The following HIVEP1 variants were observed in gnomAD, a reference collection of about 807,000 sequenced individuals.
HIVEP1 encodes the protein zinc finger protein 40.
A neutral mutation model predicts 180.0 loss-of-function variants in HIVEP1; 36 were observed. The observed-to-expected ratio is 0.20, with a 90% CI of 0.15 to 0.26. The LOEUF is 0.26. Among genes scored for constraint, HIVEP1 ranks in the 10% least tolerant of loss-of-function variants. The probability of loss-of-function intolerance (pLI) is 1.00; values close to 1 mark genes in which losing one functional copy is unlikely to be tolerated. For missense variants in HIVEP1, 3,143 were observed against 3,268.7 expected, an observed-to-expected ratio of 0.96 and a Z score of 0.94; for synonymous variants, 1,239 against 1,239.0, an observed-to-expected ratio of 1.00 and a Z score of 0.00.
intron 7 of HIVEP1, among the ~76,000 whole-genome samples, chr6:12,159,203 T>TGC (rs1455802838): frequency 2.0e-5 from 3 of 151,952 alleles, no homozygotes; most frequent in East Asian, 1.9e-4. Context: ...TGTGTGTGTG[T>TGC]GTGTGCGCGC....
At chr6:12,016,616 T>C (rs1436733293) in intron 2 of HIVEP1, among the ~76,000 whole-genome samples, 1 of 152,200 alleles carries the variant, frequency 6.6e-6, no homozygotes, top group Non-Finnish European at 1.5e-5. Context: ...AATCTGGAAA[T>C]AGTGCTTGTT....
intron 8 of HIVEP1, 103 bp from the exon 9 acceptor site, chr6:12,163,180 C>T (rs759014447): frequency 5.9e-5 from 52 of 885,244 alleles, no homozygotes; most frequent in Non-Finnish European, 8.3e-5. Flanking sequence ...TGCAAATATA[C>T]TTACTTTTAT....
intron 1 of HIVEP1, among the ~76,000 whole-genome samples, chr6:12,014,940 G>C (rs771534433): frequency 3.3e-5 from 5 of 152,254 alleles, no homozygotes; most frequent in Admixed American, 6.5e-5. Flanking sequence ...CCATGGCAGA[G>C]AGAGAAGAGC....
At chr6:12,033,760 A>G (rs1289784759) in intron 2 of HIVEP1, among the ~76,000 whole-genome samples, 1 of 152,234 alleles carries the variant, frequency 6.6e-6, no homozygotes, top group Non-Finnish European at 1.5e-5. Flanking sequence ...AAAAAATATT[A>G]AGTTTTTAAA....
At chr6:12,027,343 TG>T (rs1330346819) in intron 2 of HIVEP1, among the ~76,000 whole-genome samples, 24 of 152,348 alleles carry the variant, frequency 1.6e-4, no homozygotes, top group African/African-American at 5.8e-4. Context: ...AATTCACATT[TG>T]GTTGGGAAGA....
chr6:12,042,365 G>A (rs2113684456), intron 2 of HIVEP1, among the ~76,000 whole-genome samples: 1 of 140,124 alleles, frequency 7.1e-6, no homozygotes, highest in South Asian at 2.3e-4. Context: ...ACAGGCGTGA[G>A]CCACCGCACC....
chr6:12,090,735 C>CTTTTTTTT (rs35266647), intron 3 of HIVEP1, among the ~76,000 whole-genome samples: 41 of 82,434 alleles, frequency 5.0e-4, no homozygotes, highest in African/African-American at 1.6e-3. Context: ...TATAGCCAGC[C>CTTTTTTTT]TTTTTTTTTT....
rs1363148353 is a variant in HIVEP1 at position 12,122,774 on chromosome 6, C to T, written c.2979C>T (p.Ala993=). Residue 993 remains alanine, a synonymous_variant, in exon 4 of 9, where the codon GCC becomes GCT. Transcript: ENST00000379388. The part of the protein sequence containing the change: ...SELHGPKTKV[A]MREPEHSPVP... ...TACATGGACCAAAAACAAAGGTAGC[C>T]ATGAGAGAACCTGAGCACAGCCCTG... 1 of 1,612,186 alleles carries T rather than the reference C, an allele frequency of 6.2e-7. No homozygotes were observed. Among genetic ancestry groups the T allele is most frequent in the Non-Finnish European group, 8.5e-7 (1 of 1,179,534 alleles).
chr6:12,134,392 G>A (rs139627678), intron 6 of HIVEP1, among the ~76,000 whole-genome samples: 5 of 152,274 alleles, frequency 3.3e-5, no homozygotes, highest in Admixed American at 6.5e-5. Context: ...GGGGTCCTGC[G>A]TGGTTGGCTG....
At chr6:12,054,883 A>G (rs978973837) in intron 2 of HIVEP1, among the ~76,000 whole-genome samples, 1 of 152,236 alleles carries the variant, frequency 6.6e-6, no homozygotes, top group Non-Finnish European at 1.5e-5. Flanking sequence ...TAAGGAAAAA[A>G]TTATCTACAT....
intron 6 of HIVEP1, among the ~76,000 whole-genome samples, chr6:12,132,733 G>C (rs1758493665): frequency 6.6e-6 from 1 of 152,126 alleles, no homozygotes; most frequent in African/African-American, 2.4e-5. Context: ...TTTGTAAGAT[G>C]TCATGTGGAA....
At chr6:12,083,248 A>G (rs1008024568) in intron 2 of HIVEP1, among the ~76,000 whole-genome samples, 2 of 152,192 alleles carry the variant, frequency 1.3e-5, no homozygotes, top group Admixed American at 6.5e-5. Flanking sequence ...AGCATTTTCC[A>G]TCAATAAATA....
chr6:12,057,170 A>G (rs1770939121), intron 2 of HIVEP1, among the ~76,000 whole-genome samples: 1 of 152,126 alleles, frequency 6.6e-6, no homozygotes, highest in East Asian at 1.9e-4. Context: ...CTTGGTGATG[A>G]TATTTTAGTC....
chr6:12,012,250 C>T (rs1374195746), upstream of HIVEP1: 3 of 128,570 alleles, frequency 2.3e-5, no homozygotes, highest in African/African-American at 8.6e-5. Context: ...GCGCCCCGCG[C>T]TCCCCCCCCC....
chr6:12,153,939 G>A (rs1394496472), intron 7 of HIVEP1, among the ~76,000 whole-genome samples: 1 of 152,162 alleles, frequency 6.6e-6, no homozygotes, highest in East Asian at 1.9e-4. Flanking sequence ...CTTGAGGTCA[G>A]GTGTTCAAGA....
In HIVEP1 at chr6:12,123,310, G is replaced by T. The variant is rs1242869212; in HGVS notation, c.3515G>T (p.Gly1172Val). ...FQELNRTGKSGSLKVIGISQE... is the reference protein window; with the variant it reads ...FQELNRTGKSVSLKVIGISQE... Reference sequence around the variant, plus strand: ...GAGCTGAATAGAACGGGGAAGTCCGGGTCTCTAAAAGTGATAGGAATCTCC... The same window carrying T: ...GAGCTGAATAGAACGGGGAAGTCCGTGTCTCTAAAAGTGATAGGAATCTCC... Residue 1172 changes from glycine to valine, a missense_variant, in exon 4 of 9, where the codon GGG becomes GTG. Around this residue, in one of 12 missense-constraint regions of HIVEP1, gnomAD observed 1,357 missense variants for 1,260.5 expected, o/e 1.08. Coordinates refer to ENST00000379388, the MANE Select transcript of HIVEP1 (RefSeq NM_002114.4). 4 of 1,613,922 alleles carry T rather than the reference G, an allele frequency of 2.5e-6. No individual in the cohort carries two copies. The African/African-American group carries it at 5.3e-5, about 22-fold the overall frequency.
At chr6:12,086,132 A>G (rs1773100435) in intron 2 of HIVEP1, among the ~76,000 whole-genome samples, 1 of 152,154 alleles carries the variant, frequency 6.6e-6, no homozygotes, top group East Asian at 1.9e-4. Flanking sequence ...AATTTAGTCT[A>G]TACTATTAGT....
intron 2 of HIVEP1, among the ~76,000 whole-genome samples, chr6:12,032,107 A>G (rs1050767045): frequency 7.5e-5 from 11 of 147,218 alleles, no homozygotes; most frequent in African/African-American, 2.5e-4. Flanking sequence ...TAAAATCCCT[A>G]CTACTGATGC....
At chr6:12,106,047 T>TAC (rs1206637958) in intron 3 of HIVEP1, among the ~76,000 whole-genome samples, 1 of 151,422 alleles carries the variant, frequency 6.6e-6, no homozygotes, top group Non-Finnish European at 1.5e-5. Flanking sequence ...TACATATATA[T>TAC]ACACACACAC....
Sources: gnomAD v4.1 joint callset for allele counts (sites outside exome capture counted in the v4.1 genomes callset) on GRCh38, gnomAD v4.1.1 for gene constraint, gnomAD v4.1.1 regional missense constraint, MANE v1.5 for transcripts, NCBI Gene and HGNC (gene_info 2026-07-23, HGNC 2026-07-21) for gene names.